NEB: variants seen among roughly 807,000 people sequenced by gnomAD.
The protein encoded by NEB is nebulin.
NEB carries 512 observed loss-of-function variants against 952.2 expected under a neutral mutation model. That is an observed-to-expected ratio of 0.54 (90% CI 0.50 to 0.58). The LOEUF is 0.58. Among genes scored for constraint, NEB ranks in the 20% least tolerant of loss-of-function variants. NEB has a pLI of 0.00. For synonymous variants in NEB, 2,900 were observed against 3,149.8 expected, an observed-to-expected ratio of 0.92 and a Z score of 2.66; for missense variants, 8,428 against 9,231.1, an observed-to-expected ratio of 0.91 and a Z score of 3.56.
intron 37 of NEB, chr2:151,671,452 A>C: frequency 2.2e-6 from 1 of 463,056 alleles, no homozygotes; most frequent in Non-Finnish European, 3.8e-6. Context: ...ACATATTTTC[A>C]TGGGTACTGC....
chr2:151,510,259 G>C (rs937918410), intron 161 of NEB, among the ~76,000 whole-genome samples: 3 of 152,136 alleles, frequency 2.0e-5, no homozygotes, highest in Non-Finnish European at 2.9e-5. Flanking sequence ...TAGACCCACA[G>C]TAAAACTTGT....
rs531920220 is a variant in NEB, at chr2:151,688,990, C to G, written c.2311-594G>C. On this transcript the variant is annotated intron_variant, in intron 24 of 181. Transcript: ENST00000397345. ...TGCAGGTAACTGAAATTATGGAAAG[C>G]AAAACCGTGGATAAGGGGGATTGCT... 7.9e-4 allele frequency among the ~76,000 whole-genome samples: 120 copies of G among 152,152 alleles called. 3 individuals carry two copies. Among genetic ancestry groups the G allele is most frequent in the Admixed American group, 7.7e-3 (118 of 15,290 alleles).
intron 96 of NEB, among the ~76,000 whole-genome samples, chr2:151,590,924 G>GA (rs1225093224): frequency 7.0e-4 from 4 of 5,742 alleles, no homozygotes; most frequent in African/African-American, 3.1e-3. Flanking sequence ...TATCTACGTG[G>GA]AAAAAAACAG....
In NEB at chr2:151,653,976, T is replaced by A. The variant is rs547368083; in HGVS notation, c.6915+16A>T. On this transcript the variant is annotated intron_variant, in intron 52 of 181. Coordinates refer to ENST00000397345, the MANE Select transcript of NEB (RefSeq NM_001164508.2). ...AGATAAAAATATAGCCTTATAGAAC[T>A]CAAACTAGTACTCACATCACTAGCA... 6.4e-7 allele frequency: 1 copy of A among 1,562,144 alleles called. No homozygotes were observed. The highest frequency in any genetic ancestry group is 1.1e-5 in the South Asian group (1 of 89,048).
intron 13 of NEB, among the ~76,000 whole-genome samples, chr2:151,704,131 A>T (rs1455082707): frequency 1.4e-5 from 1 of 69,844 alleles, no homozygotes; most frequent in Non-Finnish European, 2.9e-5. Flanking sequence ...GTGAGGTGTC[A>T]GTGTGCCCCT....
At position 151,565,520 on chromosome 2, in the gene NEB, T is replaced by C. The variant is rs1311850517; in HGVS notation, c.18347A>G (p.Asn6116Ser). The C allele has an allele frequency of 6.3e-7, 1 of 1,594,618 alleles. No individual in the cohort carries two copies. The highest frequency in any genetic ancestry group is 2.2e-5 in the East Asian group (1 of 44,662). The change falls in exon 116 of 182, where the codon AAT becomes AGT. Residue 6116 changes from asparagine (N) to serine (S), a missense_variant. Physicochemically the swap from Asn to Ser is conservative, Grantham distance 46. Around this residue, in one of 11 missense-constraint regions of NEB, gnomAD observed 3,374 missense variants for 3,651.5 expected, o/e 0.92. Transcript: ENST00000397345. ...DPPEIVLAKI[N>S]SVNQSDVKYK... ...ACTTACATCACTTTGATTGACAGAA[T>C]TAATCTTGGCTAAAACAATCTCTGG...
At chr2:151,561,930 C>G (rs1304078776) in intron 121 of NEB, among the ~76,000 whole-genome samples, 180 bp downstream of exon 121, 1 of 152,138 alleles carries the variant, frequency 6.6e-6, no homozygotes, top group Non-Finnish European at 1.5e-5. Flanking sequence ...GAGACTCAGA[C>G]TGGGAAGATC....
intron 168 of NEB, among the ~76,000 whole-genome samples, chr2:151,500,980 A>G (rs2064031561): frequency 6.6e-6 from 1 of 152,182 alleles, no homozygotes; most frequent in Admixed American, 6.5e-5. Flanking sequence ...GTCTATGTTA[A>G]GATGATCCCT....
intron 105 of NEB, among the ~76,000 whole-genome samples, chr2:151,578,096 T>TA (rs754131951): frequency 5.1e-4 from 77 of 152,322 alleles, no homozygotes; most frequent in Middle Eastern, 3.4e-3. Flanking sequence ...TCATTCATTA[T>TA]AAAAAAGTAC....
At position 151,617,472 on chromosome 2, in the gene NEB, CAAAAAA is replaced by C; in HGVS notation, c.11077-10_11077-5del. 21 of 813,922 alleles carry C rather than the reference CAAAAAA, an allele frequency of 2.6e-5. No homozygotes were observed. Among genetic ancestry groups the C allele is most frequent in the African/African-American group, 2.7e-5 (1 of 37,464 alleles). The allele number at this position is 813,922 out of a possible 1,614,324, so 50.4% of individuals were successfully genotyped here. ...CCCAGGCTTCAGTATATAAGCGCTA[CAAAAAA>C]AAAAAAAAAAGAGAGAGAGAGAGAG... On this transcript the variant is annotated splice_region_variant and splice_polypyrimidine_tract_variant and intron_variant, in intron 74 of 181. Transcript: ENST00000397345.
chr2:151,533,532 A>G lies in NEB; in HGVS notation c.21327T>C (p.Ser7109=). 6.5e-7 allele frequency: 1 copy of G among 1,549,990 alleles called. No homozygotes were observed. The highest frequency in any genetic ancestry group is 2.0e-5 in the Admixed American group (1 of 50,996). ...TQLMNERKYK[S]SAKMFLQHGC... ...CATGTTGCAGAAACATCTTGGCACT[A>G]GATTTATATTTTCTCTGTCCATGCA... The change falls in exon 143 of 182, where the codon TCT becomes TCC. Residue 7109 remains serine, a synonymous_variant. Transcript: ENST00000397345.
At position 151,684,758 on chromosome 2, in the gene NEB, C is replaced by A; in HGVS notation, c.2835+20G>T. 1 of 1,540,212 alleles carries A rather than the reference C, an allele frequency of 6.5e-7. No individual in the cohort carries two copies. Among genetic ancestry groups the A allele is most frequent in the East Asian group, 2.3e-5 (1 of 44,192 alleles). ...TTCCATCTTTTTAAAAGAGGGGCTA[C>A]AGAAACCCTGGTTACTCACATCGCT... On this transcript the variant is annotated intron_variant, in intron 28 of 181. Transcript: ENST00000397345.
In NEB at chr2:151,490,419, T is replaced by C. The variant is rs1302311497; in HGVS notation, c.25250A>G (p.His8417Arg). 6.3e-7 allele frequency: 1 copy of C among 1,599,568 alleles called. No homozygotes were observed. ...EKSEHSEAPD[H>R]HLSTYSDGGV... ...CCCGTCGCTGTAAGTCGAAAGGTGGTGGTCTGGTGCTTCTGAATGCTCAGA... is the reference window on the plus strand; with the variant it reads ...CCCGTCGCTGTAAGTCGAAAGGTGGCGGTCTGGTGCTTCTGAATGCTCAGA... The change falls in exon 180 of 182, where the codon CAC becomes CGC. Residue 8417 changes from histidine to arginine, a missense_variant. By Grantham distance (29) the His-to-Arg change is conservative. Transcript: ENST00000397345.
In NEB at chr2:151,692,128, T is replaced by C. The variant is rs770276905; in HGVS notation, c.2037A>G (p.Gly679=). 47 of 1,613,840 alleles carry C rather than the reference T, an allele frequency of 2.9e-5. No homozygotes were observed. Among genetic ancestry groups the C allele is most frequent in the Non-Finnish European group, 3.7e-5 (44 of 1,179,856 alleles). The change falls in exon 22 of 182, where the codon GGA becomes GGG. Residue 679 remains glycine (G), a synonymous_variant. Transcript: ENST00000397345. ...YKDLYVKDVL[G]HYVGSMEDPY... ...GGTCCTCCATGCTGCCTACATAATG[T>C]CCCAAAACATCCTTTACATATAAGT...
chr2:151,625,516 T>C lies in NEB; in HGVS notation c.10452+18A>G. On this transcript the variant is annotated intron_variant, in intron 71 of 181. Coordinates refer to ENST00000397345, the MANE Select transcript of NEB (RefSeq NM_001164508.2). ...AATCAATGTGGCCAGACCAAAGAAA[T>C]AAAACAAATGATCTTACCTCACTAT... The C allele has an allele frequency of 6.5e-7, 1 of 1,541,210 alleles. No individual in the cohort carries two copies. Among genetic ancestry groups the C allele is most frequent in the Non-Finnish European group, 8.9e-7 (1 of 1,124,346 alleles).
intron 69 of NEB, 65 bp downstream of exon 69, chr2:151,627,458 C>G (rs1013277013): frequency 3.6e-5 from 57 of 1,575,494 alleles, no homozygotes; most frequent in Middle Eastern, 1.7e-4. Flanking sequence ...AATGCTAGAC[C>G]ACTGTCTCAG....
chr2:151,692,092 T>C lies in NEB; in HGVS notation c.2073A>G (p.Thr691=), dbSNP rs1443329658. 6.2e-7 allele frequency: 1 copy of C among 1,614,004 alleles called. No homozygotes were observed. The change falls in exon 22 of 182, where the codon ACA becomes ACG. Residue 691 remains threonine (T), a synonymous_variant. Coordinates refer to ENST00000397345, the MANE Select transcript of NEB (RefSeq NM_001164508.2). ...YVGSMEDPYH[T]HCMKVAAQNS... Reference sequence around the variant, plus strand: ...TTTGAGCTGCAACTTTCATGCAGTGTGTGTGATATGGGTCCTCCATGCTGC... The same window carrying C: ...TTTGAGCTGCAACTTTCATGCAGTGCGTGTGATATGGGTCCTCCATGCTGC...
At chr2:151,730,795 G>A (rs759528655) in intron 3 of NEB, among the ~76,000 whole-genome samples, 3 of 152,004 alleles carry the variant, frequency 2.0e-5, no homozygotes, top group Non-Finnish European at 4.4e-5. Flanking sequence ...TCAGTAGGCC[G>A]CCTGTGCTAT....
intron 124 of NEB, among the ~76,000 whole-genome samples, chr2:151,557,643 A>C (rs1359068492): frequency 2.0e-5 from 3 of 152,244 alleles, no homozygotes; most frequent in African/African-American, 7.2e-5. Flanking sequence ...AACCAAATCC[A>C]GCAGCACATC....
Sources: gnomAD v4.1 joint callset for allele counts (sites outside exome capture counted in the v4.1 genomes callset) on GRCh38, gnomAD v4.1.1 for gene constraint, gnomAD v4.1.1 regional missense constraint, MANE v1.5 for transcripts, NCBI Gene and HGNC (gene_info 2026-07-23, HGNC 2026-07-21) for gene names.